JPH3: variants seen among roughly 807,000 people sequenced by gnomAD.
JPH3 encodes the protein junctophilin 3.
A neutral mutation model predicts 59.6 loss-of-function variants in JPH3; 11 were observed. That is an observed-to-expected ratio of 0.18 (90% CI 0.12 to 0.31). The LOEUF is 0.31. Among genes scored for constraint, JPH3 ranks in the 10% least tolerant of loss-of-function variants. JPH3 has a pLI of 1.00. For synonymous variants in JPH3, 673 were observed against 483.6 expected, an observed-to-expected ratio of 1.39 and a Z score of -5.14; for missense variants, 1,202 against 1,105.7, an observed-to-expected ratio of 1.09 and a Z score of -1.24.
In JPH3 at chr16:87,644,253, C is replaced by T. The variant is rs1489774809; in HGVS notation, c.383-5C>T. The stretch of plus-strand genomic sequence containing the variant: ...GCACTCACCCCTCTCTCATTTTCTC[C>T]CCAGGGACCTACCAGGGCCAGTGGG... On this transcript the variant is annotated splice_region_variant and splice_polypyrimidine_tract_variant and intron_variant, in intron 1 of 4. Coordinates refer to ENST00000284262, the MANE Select transcript of JPH3 (RefSeq NM_020655.4). The T allele has an allele frequency of 1.9e-6, 3 of 1,600,326 alleles. No homozygotes were observed. The highest frequency in any genetic ancestry group is 1.1e-5 in the South Asian group (1 of 88,514).
At chr16:87,646,638 CTG>C (rs2150847391) in intron 2 of JPH3, among the ~76,000 whole-genome samples, 1 of 152,364 alleles carries the variant, frequency 6.6e-6, no homozygotes, top group East Asian at 1.9e-4. Flanking sequence ...TTTCTTTCCT[CTG>C]TGTTTTGTTT....
chr16:87,621,835 G>A (rs1345268434), intron 1 of JPH3, among the ~76,000 whole-genome samples: 1 of 152,152 alleles, frequency 6.6e-6, no homozygotes, highest in Admixed American at 6.5e-5. Flanking sequence ...GAAAGGGGGC[G>A]ATTCTCCTGT....
At position 87,665,124 on chromosome 16, in the gene JPH3, C is replaced by T. The variant is rs535214246; in HGVS notation, c.1161-19018C>T. Among the ~76,000 whole-genome samples the T allele has an allele frequency of 3.9e-4, 59 of 152,274 alleles. 1 individual carries two copies. Among genetic ancestry groups the T allele is most frequent in the African/African-American group, 1.4e-3 (58 of 41,482 alleles). Reference sequence around the variant, plus strand: ...TGACTCCAGGGAGGGAGGTCATGAGCACCACAGTCTTTATGGGGGAGATCA... The same window carrying T: ...TGACTCCAGGGAGGGAGGTCATGAGTACCACAGTCTTTATGGGGGAGATCA... On this transcript the variant is annotated intron_variant, in intron 2 of 4. Transcript: ENST00000284262.
At chr16:87,639,620 C>T (rs1462396988) in intron 1 of JPH3, among the ~76,000 whole-genome samples, 1 of 150,384 alleles carries the variant, frequency 6.6e-6, no homozygotes, top group African/African-American at 2.5e-5. Context: ...GTCCTCCCTC[C>T]TGGCCTCCCT....
chr16:87,613,662 T>G (rs1418031357), intron 1 of JPH3, among the ~76,000 whole-genome samples: 1 of 152,076 alleles, frequency 6.6e-6, no homozygotes, highest in African/African-American at 2.4e-5. Context: ...TGCAGTTGGT[T>G]GAATTTGTGG....
chr16:87,609,378 T>C (rs2030650001), intron 1 of JPH3, among the ~76,000 whole-genome samples: 2 of 152,236 alleles, frequency 1.3e-5, no homozygotes, highest in Non-Finnish European at 2.9e-5. Flanking sequence ...GTCATTCTCA[T>C]GCCTCAGCCT....
rs2033956919 is a variant in JPH3 at position 87,697,793 on chromosome 16, TCAGTCCAA to T, written c.*1136_*1143del. 1.3e-5 allele frequency: 2 copies of T among 152,244 alleles called. No homozygotes were observed. The highest frequency in any genetic ancestry group is 4.8e-5 in the African/African-American group (2 of 41,448). The allele number at this position is 152,244 out of a possible 1,614,324, so 9.4% of individuals were successfully genotyped here. A position where few individuals can be genotyped will look rare whatever the true frequency, so the allele number is the denominator to read the frequency against. ...CCCTAAAATGTACAATGTAACTTGTTCAGTCCAACAAAAACAGGTTCCTTATGTTTCTG... is the reference window on the plus strand; with the variant it reads ...CCCTAAAATGTACAATGTAACTTGTTCAAAAACAGGTTCCTTATGTTTCTG... On this transcript the variant is annotated 3_prime_UTR_variant, in exon 5 of 5. Coordinates refer to ENST00000284262, the MANE Select transcript of JPH3 (RefSeq NM_020655.4).
chr16:87,643,129 G>A (rs889539798), intron 1 of JPH3, among the ~76,000 whole-genome samples: 1 of 152,162 alleles, frequency 6.6e-6, no homozygotes, highest in African/African-American at 2.4e-5. Flanking sequence ...CGTGTACATG[G>A]AATCATCCGA....
chr16:87,674,573 G>A (rs57480028), intron 2 of JPH3, among the ~76,000 whole-genome samples: 11,759 of 152,196 alleles, frequency 0.077, 1,525 homozygotes, highest in African/African-American at 0.27. Context: ...CCATTTGTGC[G>A]GCAAAAATAA....
At chr16:87,652,519 A>C (rs2032356789) in intron 2 of JPH3, among the ~76,000 whole-genome samples, 1 of 152,246 alleles carries the variant, frequency 6.6e-6, no homozygotes, top group Non-Finnish European at 1.5e-5. Context: ...GCCGGAGCGC[A>C]GTGGTGCCAT....
In JPH3 at chr16:87,685,014, C is replaced by T. The variant is rs573114088; in HGVS notation, c.1285+748C>T. Among the ~76,000 whole-genome samples the T allele has an allele frequency of 6.6e-5, 10 of 152,254 alleles. No homozygotes were observed. The East Asian group carries it at 1.2e-3, about 18-fold the overall frequency. ...GCGCCCCCTCAACCCGAGCTCTGAC[C>T]GGTGAGCGGTATTCGGATGAGGCTC... On this transcript the variant is annotated intron_variant, in intron 3 of 4. Transcript: ENST00000284262.
At chr16:87,641,744 G>C (rs957129423) in intron 1 of JPH3, among the ~76,000 whole-genome samples, 1 of 152,388 alleles carries the variant, frequency 6.6e-6, no homozygotes, top group South Asian at 2.1e-4. Context: ...GCTCTGTCCG[G>C]GGCTGCAGCC....
At chr16:87,674,483 T>TA (rs2033096998) in intron 2 of JPH3, among the ~76,000 whole-genome samples, 1 of 152,208 alleles carries the variant, frequency 6.6e-6, no homozygotes, top group Non-Finnish European at 1.5e-5. Context: ...AGAGATATCC[T>TA]AGTGAGCTCC....
intron 1 of JPH3, among the ~76,000 whole-genome samples, chr16:87,617,012 G>A (rs1229464617): frequency 6.6e-6 from 1 of 152,154 alleles, no homozygotes; most frequent in African/African-American, 2.4e-5. Flanking sequence ...GTCACCTGAG[G>A]TCAGGAGTTC....
At chr16:87,615,545 C>A (rs1013784157) in intron 1 of JPH3, among the ~76,000 whole-genome samples, 1 of 152,174 alleles carries the variant, frequency 6.6e-6, no homozygotes, top group East Asian at 1.9e-4. Flanking sequence ...AAGCATGGCT[C>A]CCCCATTTTC....
At chr16:87,677,117 C>T (rs186376832) in intron 2 of JPH3, among the ~76,000 whole-genome samples, 2 of 150,430 alleles carry the variant, frequency 1.3e-5, no homozygotes, top group East Asian at 2.0e-4. Context: ...TGAGATCGTG[C>T]CACTGCAATC....
At chr16:87,662,752 C>T (rs973192837) in intron 2 of JPH3, among the ~76,000 whole-genome samples, 1 of 152,242 alleles carries the variant, frequency 6.6e-6, no homozygotes, top group Non-Finnish European at 1.5e-5. Flanking sequence ...TAAAATGTAG[C>T]TCAGACCCTC....
At chr16:87,608,492 A>G (rs2030610917) in intron 1 of JPH3, among the ~76,000 whole-genome samples, 1 of 152,150 alleles carries the variant, frequency 6.6e-6, no homozygotes, top group Non-Finnish European at 1.5e-5. Context: ...CATGCGGTGG[A>G]TGGAGCCACC....
intron 1 of JPH3, among the ~76,000 whole-genome samples, chr16:87,618,019 T>C (rs2031037023): frequency 6.6e-6 from 1 of 151,732 alleles, no homozygotes; most frequent in South Asian, 2.1e-4. Flanking sequence ...AAAAATTAGC[T>C]GGGGCATGGC....
Sources: allele counts gnomAD v4.1 joint callset (sites outside exome capture counted in the v4.1 genomes callset), GRCh38; gene constraint gnomAD v4.1.1; transcripts MANE v1.5; gene names NCBI Gene and HGNC (gene_info 2026-07-23, HGNC 2026-07-21).